Variants in DDC observed in about 807,000 individuals in gnomAD.
DDC encodes the protein aromatic-L-amino-acid decarboxylase.
A neutral mutation model predicts 60.0 loss-of-function variants in DDC; 43 were observed. The ratio of observed to expected loss-of-function variants is 0.72; its 90% confidence interval spans 0.56 to 0.92. DDC has a LOEUF of 0.92. Among genes scored for constraint, DDC ranks in the 40% least tolerant of loss-of-function variants. DDC has a pLI of 0.00. For synonymous variants in DDC, 232 were observed against 234.6 expected (o/e 0.99, Z 0.10); for missense variants, 573 against 620.2 (o/e 0.92, Z 0.81).
rs375722546 is a variant in DDC, at chr7:50,495,484, C to A, written c.877-67G>T. On this transcript the variant is annotated intron_variant, in intron 8 of 14. Transcript: ENST00000444124. ...ATAAATGTTTAATTATAAAGAAGAC[C>A]CCATACATGATAATAAAAGTTTATG... The A allele has an allele frequency of 2.2e-5, 27 of 1,246,994 alleles. No individual in the cohort carries two copies. The East Asian group carries it at 6.0e-4, about 28-fold the overall frequency. The allele number at this position is 1,246,994 out of a possible 1,614,324, so 77.2% of individuals were successfully genotyped here.
At chr7:50,467,068 G>T in intron 13 of DDC, 146 bp downstream of exon 13, 2 of 798,340 alleles carry the variant, frequency 2.5e-6, no homozygotes, top group Admixed American at 1.8e-5. Flanking sequence ...GCATGGGGCA[G>T]GGCAGGCCGG....
At chr7:50,511,462 T>A (rs1024570870) in intron 6 of DDC, among the ~76,000 whole-genome samples, 2 of 152,006 alleles carry the variant, frequency 1.3e-5, no homozygotes, top group African/African-American at 4.8e-5. Context: ...GGTCAGGATT[T>A]CGAGACTAGC....
intron 6 of DDC, among the ~76,000 whole-genome samples, chr7:50,506,013 G>A (rs999980828): frequency 6.6e-5 from 10 of 152,242 alleles, no homozygotes; most frequent in Admixed American, 6.5e-4. Context: ...GCAGCAGAGG[G>A]GTGGGGGAAA....
intron 2 of DDC, among the ~76,000 whole-genome samples, chr7:50,540,571 C>A (rs2044595684): frequency 6.6e-6 from 1 of 152,220 alleles, no homozygotes; most frequent in South Asian, 2.1e-4. Context: ...CTTCCCGCTG[C>A]CCCTGGCTCT....
intron 6 of DDC, among the ~76,000 whole-genome samples, chr7:50,506,157 T>C (rs2043389554): frequency 6.6e-6 from 1 of 152,152 alleles, no homozygotes; most frequent in African/African-American, 2.4e-5. Flanking sequence ...CCAGGTCACA[T>C]TTGGAGCAGT....
At chr7:50,529,384 G>T in intron 4 of DDC, 42 bp from the exon 5 acceptor site, 1 of 1,610,042 alleles carries the variant, frequency 6.2e-7, no homozygotes, top group South Asian at 1.1e-5. Context: ...CAAACATAGC[G>T]AAGGCATTGG....
rs539901795 is a variant in DDC at position 50,512,606 on chromosome 7, G to A, written c.715-8547C>T. Among the ~76,000 whole-genome samples, 9 of 152,282 alleles carry A rather than the reference G, an allele frequency of 5.9e-5. No homozygotes were observed. In the East Asian group the frequency reaches 1.3e-3, roughly 23 times the overall value. ...GCACAGAGCTTGCAAGAGCCAAAGTGAGAAAAAGGGAACTGTCCTCCAAAT... is the reference window on the plus strand; with the variant it reads ...GCACAGAGCTTGCAAGAGCCAAAGTAAGAAAAAGGGAACTGTCCTCCAAAT... On this transcript the variant is annotated intron_variant, in intron 6 of 14. Coordinates refer to ENST00000444124, the MANE Select transcript of DDC (RefSeq NM_001082971.2).
At chr7:50,486,300 A>G (rs2042879013) in intron 9 of DDC, among the ~76,000 whole-genome samples, 1 of 152,206 alleles carries the variant, frequency 6.6e-6, no homozygotes, top group Non-Finnish European at 1.5e-5. Context: ...TTTGCATACT[A>G]TCAGATACAG....
intron 7 of DDC, among the ~76,000 whole-genome samples, chr7:50,503,364 C>G (rs2043304880): frequency 6.6e-6 from 1 of 152,224 alleles, no homozygotes; most frequent in Non-Finnish European, 1.5e-5. Flanking sequence ...AGGTGAAACT[C>G]TAGAAACAGA....
chr7:50,540,176 C>T (rs1335468599), intron 2 of DDC, 148 bp from the exon 3 acceptor site: 2 of 685,558 alleles, frequency 2.9e-6, no homozygotes, highest in African/African-American at 3.5e-5. Flanking sequence ...GTCAGCCATC[C>T]CATTACCTTC....
rs933840057 is a variant in DDC, at chr7:50,492,563, C to T, written c.944+2787G>A. ...AAGTATTGCAACCACCCTGCCCCAC[C>T]ACTGTCGCCCACTCCAGAGGATGGG... On this transcript the variant is annotated intron_variant, in intron 9 of 14. Transcript: ENST00000444124. 2.3e-5 allele frequency: 10 copies of T among 431,810 alleles called. No homozygotes were observed. In the South Asian group the frequency reaches 7.1e-4, roughly 31 times the overall value. 26.7% of individuals were successfully genotyped at this position (431,810 alleles called of 1,614,324 possible). A position where few individuals can be genotyped will look rare whatever the true frequency, so the allele number is the denominator to read the frequency against.
intron 1 of DDC, among the ~76,000 whole-genome samples, chr7:50,560,831 A>C (rs1385826635): frequency 1.3e-5 from 2 of 151,964 alleles, no homozygotes; most frequent in East Asian, 3.9e-4. Context: ...GTTCCTGTAA[A>C]CCCTGTGTCA....
chr7:50,482,441 T>C (rs752460560), intron 9 of DDC, among the ~76,000 whole-genome samples: 29 of 152,224 alleles, frequency 1.9e-4, no homozygotes, highest in Non-Finnish European at 3.4e-4. Flanking sequence ...AATTGGAATA[T>C]GTGGAGTCTG....
At chr7:50,473,697 C>A (rs1337838652) in intron 11 of DDC, among the ~76,000 whole-genome samples, 2 of 152,218 alleles carry the variant, frequency 1.3e-5, no homozygotes, top group African/African-American at 2.4e-5. Flanking sequence ...AAGGACTGTC[C>A]CCACATGGCT....
intron 14 of DDC, chr7:50,459,569 C>T (rs1306437584): frequency 2.3e-5 from 4 of 175,840 alleles, no homozygotes; most frequent in East Asian, 3.5e-4. Context: ...TCTGCCCGGC[C>T]GCCCATTGTC....
intron 12 of DDC, among the ~76,000 whole-genome samples, chr7:50,469,265 A>ATTTTT (rs1398379699): frequency 6.6e-6 from 1 of 150,920 alleles, no homozygotes; most frequent in African/African-American, 2.5e-5. Context: ...TAAAAAAAAA[A>ATTTTT]AAAAAAAAAA....
At chr7:50,474,373 G>C (rs2042595220) in intron 11 of DDC, among the ~76,000 whole-genome samples, 1 of 152,218 alleles carries the variant, frequency 6.6e-6, no homozygotes, top group South Asian at 2.1e-4. Flanking sequence ...AAGACCCCAT[G>C]AGGGTCAGGG....
At chr7:50,502,351 C>T (rs544842260) in intron 7 of DDC, among the ~76,000 whole-genome samples, 7 of 152,288 alleles carry the variant, frequency 4.6e-5, no homozygotes, top group Middle Eastern at 3.4e-3. Context: ...CATGGTCCAG[C>T]GGGCAGCCCA....
chr7:50,519,814 C>T (rs1439503451), intron 6 of DDC, among the ~76,000 whole-genome samples: 1 of 151,936 alleles, frequency 6.6e-6, no homozygotes, highest in African/African-American at 2.4e-5. Context: ...TATGGGTGCA[C>T]CAAAATCTCA....
Sources: gnomAD v4.1 joint callset for allele counts (sites outside exome capture counted in the v4.1 genomes callset) on GRCh38, gnomAD v4.1.1 for gene constraint, MANE v1.5 for transcripts, NCBI Gene and HGNC (gene_info 2026-07-23, HGNC 2026-07-21) for gene names.